The following AGBL3 variants were observed in gnomAD, a reference collection of about 807,000 sequenced individuals.
The protein encoded by AGBL3 is cytosolic carboxypeptidase 3.
In AGBL3, 68 loss-of-function variants were observed where a neutral mutation model predicts 94.5. The ratio of observed to expected loss-of-function variants is 0.72; its 90% CI spans 0.59 to 0.88. The LOEUF (loss-of-function observed/expected upper bound fraction) is 0.88. AGBL3 is among the 40% of genes least tolerant of loss of function. The pLI is 0.00. For missense variants in AGBL3, 934 were observed against 1,103.8 expected, an observed-to-expected ratio of 0.85 and a Z score of 2.18; for synonymous variants, 354 against 370.7, an observed-to-expected ratio of 0.95 and a Z score of 0.52.
intron 15 of AGBL3, among the ~76,000 whole-genome samples, chr7:135,100,369 T>C (rs1463548289): frequency 6.6e-6 from 1 of 152,176 alleles, no homozygotes; most frequent in East Asian, 1.9e-4. Context: ...AGACAAACTT[T>C]ATAGTTTTGT....
chr7:134,996,633 A>G (rs1020459663), intron 4 of AGBL3, among the ~76,000 whole-genome samples: 1 of 152,228 alleles, frequency 6.6e-6, no homozygotes, highest in African/African-American at 2.4e-5. Context: ...GATTTCATTA[A>G]ATGGATGAAT....
At chr7:135,054,683 T>G (rs1429544015) in intron 11 of AGBL3, among the ~76,000 whole-genome samples, 5 of 152,212 alleles carry the variant, frequency 3.3e-5, no homozygotes, top group Non-Finnish European at 7.3e-5. Context: ...AATTAAAATA[T>G]GCTTAAAAAC....
chr7:135,026,244 A>ATTTTATTTTATTTTATTTTAT, intron 5 of AGBL3, among the ~76,000 whole-genome samples: 1 of 81,464 alleles, frequency 1.2e-5, no homozygotes, highest in Non-Finnish European at 2.7e-5. Flanking sequence ...AATGAATACC[A>ATTTTATTTTATTTTATTTTAT]TTATTTTATT....
Position 135,076,839 on chromosome 7 carries a change from AG to A in AGBL3, c.1980+372del, listed in dbSNP as rs1291208879. On this transcript the variant is annotated intron_variant, in intron 13 of 16. Coordinates refer to ENST00000436302, the MANE Select transcript of AGBL3 (RefSeq NM_178563.4). ...ATCAGCTTCTACCATGACAACAGGA[AG>A]AGCTCTGCAAACCCATTCACCAGCA... Among the ~76,000 whole-genome samples, 11 of 152,316 alleles carry A rather than the reference AG, an allele frequency of 7.2e-5. No individual in the cohort carries two copies. In the South Asian group the frequency reaches 2.3e-3, roughly 32 times the overall value.
chr7:135,128,666 C>A, intron 16 of AGBL3: 1 of 1,094,244 alleles, frequency 9.1e-7, no homozygotes, highest in Non-Finnish European at 1.4e-6. Flanking sequence ...AGGAAGAGAC[C>A]CTAGTATACC....
chr7:135,086,389 G>A (rs1431521147), intron 15 of AGBL3, among the ~76,000 whole-genome samples: 1 of 151,792 alleles, frequency 6.6e-6, no homozygotes, highest in Non-Finnish European at 1.5e-5. Context: ...TCATTATCTT[G>A]TCCCACATCT....
chr7:135,045,614 T>C, intron 10 of AGBL3, 40 bp downstream of exon 10: 1 of 1,502,982 alleles, frequency 6.7e-7, no homozygotes, highest in Non-Finnish European at 9.1e-7. Flanking sequence ...GACTCCAGCC[T>C]ATCAGATAAC....
At chr7:135,084,272 TG>T (rs1296107043) in intron 15 of AGBL3, among the ~76,000 whole-genome samples, 2 of 152,152 alleles carry the variant, frequency 1.3e-5, no homozygotes, top group Admixed American at 6.6e-5. Context: ...TTTTGATACA[TG>T]TATACAATGT....
At position 135,034,309 on chromosome 7, in the gene AGBL3, C is replaced by T. The variant is rs1309158566; in HGVS notation, c.718C>T (p.Arg240Cys). 17 of 1,551,612 alleles carry T rather than the reference C, an allele frequency of 1.1e-5. No homozygotes were observed. The highest frequency in any genetic ancestry group is 1.4e-5 in the Non-Finnish European group (16 of 1,146,996). ...KPASLYSRGMRPLFYSEKEAK... is the reference protein window; with the variant it reads ...KPASLYSRGMCPLFYSEKEAK... The stretch of plus-strand genomic sequence containing the variant: ...TGCTAGTCTTTACAGTCGGGGTATG[C>T]GCCCACTGTTCTATTCTGAAAAAGA... Residue 240 changes from arginine (R) to cysteine (C), a missense_variant, in exon 7 of 17, where the codon CGC becomes TGC. Coordinates refer to ENST00000436302, the MANE Select transcript of AGBL3 (RefSeq NM_178563.4).
chr7:135,007,385 C>A (rs1812524974), intron 4 of AGBL3, among the ~76,000 whole-genome samples: 1 of 151,684 alleles, frequency 6.6e-6, no homozygotes, highest in Non-Finnish European at 1.5e-5. Context: ...TCCCTGTACC[C>A]AAAAATCAAT....
intron 5 of AGBL3, among the ~76,000 whole-genome samples, chr7:135,023,285 A>G (rs371489403): frequency 3.0e-4 from 46 of 152,136 alleles, no homozygotes; most frequent in East Asian, 1.5e-3. Context: ...CTTTGAACAG[A>G]TCCTCAGAGA....
chr7:135,095,127 G>A lies in AGBL3; in HGVS notation c.2110+13337G>A, dbSNP rs952007810. Among the ~76,000 whole-genome samples the A allele has an allele frequency of 3.2e-4, 49 of 152,220 alleles. 1 individual carries two copies. The highest frequency in any genetic ancestry group is 2.1e-4 in the South Asian group (1 of 4,824). On this transcript the variant is annotated intron_variant, in intron 15 of 16. Coordinates refer to ENST00000436302, the MANE Select transcript of AGBL3 (RefSeq NM_178563.4). Reference sequence around the variant, plus strand: ...TTTACCAGAACCTTATCCTATTTTCGGGGAGGGATATTTCTGCAACTCCAG... The same window carrying A: ...TTTACCAGAACCTTATCCTATTTTCAGGGAGGGATATTTCTGCAACTCCAG...
At chr7:135,040,027 G>A (rs1420217689) in intron 8 of AGBL3, among the ~76,000 whole-genome samples, 1 of 152,038 alleles carries the variant, frequency 6.6e-6, no homozygotes, top group Non-Finnish European at 1.5e-5. Context: ...GAATGAAAGA[G>A]AGGTATCACT....
intron 4 of AGBL3, chr7:134,995,692 A>T (rs552532820): frequency 6.6e-6 from 1 of 152,442 alleles, no homozygotes; most frequent in South Asian, 2.1e-4. Context: ...ACCCTGGTGA[A>T]GGTGCAACCT....
intron 4 of AGBL3, chr7:135,010,342 C>T (rs1030785697): frequency 1.9e-4 from 41 of 212,680 alleles, no homozygotes; most frequent in African/African-American, 9.6e-4. Flanking sequence ...TATCTCTTAG[C>T]TGACATTGGA....
At chr7:135,037,709 T>C (rs547722989) in intron 8 of AGBL3, 129 bp downstream of exon 8, 2 of 722,108 alleles carry the variant, frequency 2.8e-6, no homozygotes, top group African/African-American at 3.7e-5. Context: ...GTTTATACAA[T>C]TGACAATAAG....
chr7:135,098,408 A>G (rs1823245408), intron 15 of AGBL3, among the ~76,000 whole-genome samples: 1 of 152,196 alleles, frequency 6.6e-6, no homozygotes. Context: ...TTGTAAGACT[A>G]TATTGTTTAG....
chr7:135,094,002 AT>A (rs1218732308), intron 15 of AGBL3: 1 of 171,222 alleles, frequency 5.8e-6, no homozygotes, highest in African/African-American at 2.4e-5. Flanking sequence ...GGGAAAAAAA[AT>A]AGTCTTTTCA....
At chr7:135,100,215 G>A (rs1823619611) in intron 15 of AGBL3, 1 of 151,630 alleles carries the variant, frequency 6.6e-6, no homozygotes, top group Non-Finnish European at 1.5e-5. Flanking sequence ...AAACACTGGT[G>A]GCATAAGATA....
Sources: allele counts gnomAD v4.1 joint callset (sites outside exome capture counted in the v4.1 genomes callset), GRCh38; gene constraint gnomAD v4.1.1; transcripts MANE v1.5; gene names NCBI Gene and HGNC (gene_info 2026-07-23, HGNC 2026-07-21).